RSRC1: variants seen among roughly 807,000 people sequenced by gnomAD.
RSRC1 encodes the protein serine/Arginine-related protein 53.
Under a neutral mutation model 49.1 loss-of-function variants are expected in RSRC1, and 39 were observed. The ratio of observed to expected loss-of-function variants is 0.79; its 90% confidence interval spans 0.61 to 1.04. RSRC1 has a LOEUF of 1.04. RSRC1 is among the 50% of genes least tolerant of loss of function. The pLI, the probability that RSRC1 is intolerant of heterozygous loss-of-function variation, is 0.00. For missense variants in RSRC1, 388 were observed against 402.4 expected (o/e 0.96, Z 0.31); for synonymous variants, 143 against 130.8 (o/e 1.09, Z -0.63).
chr3:158,338,200 T>C (rs557669757), intron 5 of RSRC1, among the ~76,000 whole-genome samples: 2 of 138,532 alleles, frequency 1.4e-5, no homozygotes, highest in African/African-American at 5.4e-5. Flanking sequence ...ACAGCTATTA[T>C]ATAACTTTGC....
At chr3:158,215,466 T>A (rs946312012) in intron 4 of RSRC1, among the ~76,000 whole-genome samples, 3 of 151,698 alleles carry the variant, frequency 2.0e-5, no homozygotes, top group Non-Finnish European at 4.4e-5. Flanking sequence ...AATTGGTGTG[T>A]TTACATGACT....
At chr3:158,486,466 G>T (rs1274581126) in intron 7 of RSRC1, among the ~76,000 whole-genome samples, 3 of 152,100 alleles carry the variant, frequency 2.0e-5, no homozygotes, top group African/African-American at 7.2e-5. Context: ...GGGAGGGGGA[G>T]GAATATGTCA....
chr3:158,452,996 G>A (rs538213891), intron 6 of RSRC1, among the ~76,000 whole-genome samples: 35 of 152,142 alleles, frequency 2.3e-4, no homozygotes, highest in Middle Eastern at 3.4e-3. Flanking sequence ...TAGTAAATGA[G>A]ATATGCTACA....
chr3:158,151,816 C>T (rs1376552888), intron 3 of RSRC1, among the ~76,000 whole-genome samples: 2 of 152,044 alleles, frequency 1.3e-5, no homozygotes, highest in African/African-American at 4.8e-5. Context: ...AAATACTGTA[C>T]AAGTATTGCT....
chr3:158,456,868 T>A (rs1273358891), intron 6 of RSRC1, among the ~76,000 whole-genome samples: 3 of 152,168 alleles, frequency 2.0e-5, no homozygotes, highest in Admixed American at 6.6e-5. Context: ...AAAATTTTTT[T>A]AAATTCATAC....
chr3:158,538,770 T>C (rs1195224207), intron 8 of RSRC1, among the ~76,000 whole-genome samples: 1 of 151,970 alleles, frequency 6.6e-6, no homozygotes, highest in Admixed American at 6.6e-5. Context: ...TAAGGTGGCA[T>C]TTATCTTGGT....
At chr3:158,283,126 G>A (rs909145116) in intron 4 of RSRC1, among the ~76,000 whole-genome samples, 33 of 151,992 alleles carry the variant, frequency 2.2e-4, no homozygotes, top group Admixed American at 2.0e-3. Flanking sequence ...ATTAAATTAC[G>A]TAGATGGTAT....
chr3:158,129,265 G>C (rs1715831761), intron 3 of RSRC1, among the ~76,000 whole-genome samples: 1 of 144,662 alleles, frequency 6.9e-6, no homozygotes, highest in Admixed American at 6.9e-5. Flanking sequence ...TTCATACGGA[G>C]ATCTAGGAAC....
intron 6 of RSRC1, among the ~76,000 whole-genome samples, chr3:158,409,217 A>C (rs918255269): frequency 6.6e-6 from 1 of 152,048 alleles, no homozygotes; most frequent in Non-Finnish European, 1.5e-5. Flanking sequence ...GAAATAATCT[A>C]TACAGTAAAC....
At chr3:158,262,061 A>T (rs1356670138) in intron 4 of RSRC1, among the ~76,000 whole-genome samples, 1 of 152,174 alleles carries the variant, frequency 6.6e-6, no homozygotes, top group Non-Finnish European at 1.5e-5. Context: ...AAGGTTGGGA[A>T]CTGTTGCTTT....
At chr3:158,421,868 T>A (rs1735079519) in intron 6 of RSRC1, among the ~76,000 whole-genome samples, 1 of 151,760 alleles carries the variant, frequency 6.6e-6, no homozygotes, top group African/African-American at 2.4e-5. Context: ...AAATTTTTCT[T>A]AGAAAAATTC....
rs1578107752 is a variant in RSRC1 at position 158,124,252 on chromosome 3, A to T, written c.320+261A>T. 2.0e-5 allele frequency among the ~76,000 whole-genome samples: 3 copies of T among 152,232 alleles called. No individual in the cohort carries two copies. The South Asian group carries it at 6.2e-4, about 32-fold the overall frequency. ...GGGTGTACGTGGCTTCTCATTGTCC[A>T]GTAGGCTAGATTGGGTTTCTTTTTT... On this transcript the variant is annotated intron_variant, in intron 3 of 9. Transcript: ENST00000611884.
intron 1 of RSRC1, among the ~76,000 whole-genome samples, chr3:158,112,877 T>C (rs1447042622): frequency 1.3e-5 from 2 of 152,312 alleles, no homozygotes; most frequent in East Asian, 1.9e-4. Context: ...CTCCCACTTA[T>C]GAGTGAGAAT....
chr3:158,358,915 T>C (rs951205037), intron 6 of RSRC1, among the ~76,000 whole-genome samples: 30 of 93,832 alleles, frequency 3.2e-4, no homozygotes, highest in Admixed American at 1.5e-3. Flanking sequence ...TATATATATA[T>C]ACACACAAAC....
chr3:158,428,971 C>T (rs1036704461), intron 6 of RSRC1, among the ~76,000 whole-genome samples: 12 of 151,788 alleles, frequency 7.9e-5, no homozygotes, highest in Non-Finnish European at 1.6e-4. Context: ...CTAGTAGCTT[C>T]TTGATTTGCA....
chr3:158,471,426 T>C (rs1738129831), intron 7 of RSRC1, among the ~76,000 whole-genome samples: 1 of 152,128 alleles, frequency 6.6e-6, no homozygotes, highest in South Asian at 2.1e-4. Flanking sequence ...TCAGTAGAAG[T>C]TAGCTATTGT....
chr3:158,234,956 G>A (rs1723160663), intron 4 of RSRC1, among the ~76,000 whole-genome samples: 1 of 152,060 alleles, frequency 6.6e-6, no homozygotes, highest in Non-Finnish European at 1.5e-5. Context: ...GCCAATCACA[G>A]TTTCCATACA....
chr3:158,362,785 G>A (rs765769764), intron 6 of RSRC1, among the ~76,000 whole-genome samples: 5 of 152,074 alleles, frequency 3.3e-5, no homozygotes, highest in African/African-American at 9.7e-5. Flanking sequence ...CTGCAAAAAC[G>A]TATTATCATC....
intron 6 of RSRC1, among the ~76,000 whole-genome samples, chr3:158,421,875 A>C (rs544705446): frequency 6.6e-6 from 1 of 151,852 alleles, no homozygotes; most frequent in East Asian, 2.0e-4. Context: ...TCTTAGAAAA[A>C]TTCATAGCTA....
Sources: gnomAD v4.1 joint callset for allele counts (sites outside exome capture counted in the v4.1 genomes callset) on GRCh38, gnomAD v4.1.1 for gene constraint, MANE v1.5 for transcripts, NCBI Gene and HGNC (gene_info 2026-07-23, HGNC 2026-07-21) for gene names.